Variants in PARVB observed in about 807,000 individuals in gnomAD.
The protein encoded by PARVB is beta-parvin.
Under a neutral mutation model 47.0 loss-of-function variants are expected in PARVB, and 46 were observed. The ratio of observed to expected loss-of-function variants is 0.98; its 90% CI spans 0.77 to 1.25. PARVB has a LOEUF of 1.25. Among genes scored for constraint, PARVB ranks in the 50% most tolerant of loss-of-function variants. PARVB has a pLI of 0.00. For synonymous variants in PARVB, 196 were observed against 196.3 expected (o/e 1.00, Z 0.01); for missense variants, 473 against 471.6 (o/e 1.00, Z -0.03).
chr22:44,135,465 G>C (rs2053423665), intron 6 of PARVB, among the ~76,000 whole-genome samples: 1 of 152,138 alleles, frequency 6.6e-6, no homozygotes, highest in African/African-American at 2.4e-5. Context: ...CACCATGTTG[G>C]CCAGAATGGT....
intron 1 of PARVB, chr22:44,031,628 A>G (rs2146894326): frequency 6.6e-6 from 1 of 151,594 alleles, no homozygotes; most frequent in Admixed American, 6.6e-5. Flanking sequence ...GCAGAGTCAG[A>G]TCACCTTGGC....
At chr22:43,999,427 A>G in intron 1 of PARVB, 1 of 1,604,124 alleles carries the variant, frequency 6.2e-7, no homozygotes, top group Non-Finnish European at 8.5e-7. Flanking sequence ...CTGTGATTTA[A>G]ACAAAACGAA....
chr22:44,094,805 G>A lies in PARVB; in HGVS notation c.202+788G>A, dbSNP rs960634851. Among the ~76,000 whole-genome samples the A allele has an allele frequency of 1.8e-4, 28 of 151,766 alleles. 1 individual carries two copies. Among genetic ancestry groups the A allele is most frequent in the Admixed American group, 1.8e-3 (28 of 15,220 alleles). On this transcript the variant is annotated intron_variant, in intron 2 of 12. Coordinates refer to ENST00000338758, the MANE Select transcript of PARVB (RefSeq NM_013327.5). ...TGCGCCTGGCCCCAACACCCTTACT[G>A]TGGCTTTCTCTGAAGGAATGGGCAA...
intron 2 of PARVB, among the ~76,000 whole-genome samples, chr22:44,000,831 C>T (rs1434317727): frequency 6.6e-6 from 1 of 152,236 alleles, no homozygotes; most frequent in Non-Finnish European, 1.5e-5. Flanking sequence ...CTACCTGGCA[C>T]TGTGATTGGA....
intron 4 of PARVB, among the ~76,000 whole-genome samples, chr22:44,126,902 C>T (rs1260680964): frequency 6.6e-6 from 1 of 152,202 alleles, no homozygotes; most frequent in African/African-American, 2.4e-5. Context: ...GAATTTGCAT[C>T]TGCATCTCAG....
At chr22:44,048,665 G>A (rs753180422) in intron 1 of PARVB, among the ~76,000 whole-genome samples, 3 of 152,144 alleles carry the variant, frequency 2.0e-5, no homozygotes, top group Non-Finnish European at 4.4e-5. Context: ...GGCTTCAAGC[G>A]ATTCTCCTGC....
chr22:44,046,967 G>C (rs892897915), intron 1 of PARVB, among the ~76,000 whole-genome samples: 1 of 152,162 alleles, frequency 6.6e-6, no homozygotes, highest in East Asian at 1.9e-4. Flanking sequence ...CGGTGTGCGG[G>C]GGGTGGGGAT....
At chr22:44,063,729 G>A (rs60403777) in intron 1 of PARVB, among the ~76,000 whole-genome samples, 19,325 of 152,042 alleles carry the variant, frequency 0.13, 1,553 homozygotes, top group Middle Eastern at 0.22. Flanking sequence ...GGTGCTGGGG[G>A]TCCACACTCA....
At position 44,170,598 on chromosome 22, in the gene PARVB, G is replaced by C. The variant is rs1219745496; in HGVS notation, c.*1920G>C. On this transcript the variant is annotated 3_prime_UTR_variant, in exon 13 of 13. Transcript: ENST00000338758. ...GTTGTTCACCCCCTCGCTCACCCCAGCTCTGCAGAGAACTGGGGATCCCAT... is the reference window on the plus strand; with the variant it reads ...GTTGTTCACCCCCTCGCTCACCCCACCTCTGCAGAGAACTGGGGATCCCAT... 1 of 152,186 alleles carries C rather than the reference G, an allele frequency of 6.6e-6. No individual in the cohort carries two copies. The highest frequency in any genetic ancestry group is 1.5e-5 in the Non-Finnish European group (1 of 68,054). The allele number at this position is 152,186 out of a possible 1,614,324, so 9.4% of individuals were successfully genotyped here. A position where few individuals can be genotyped will look rare whatever the true frequency, so the allele number is the denominator to read the frequency against.
chr22:44,086,931 G>A, intron 1 of PARVB: 1 of 651,198 alleles, frequency 1.5e-6, no homozygotes, highest in South Asian at 6.9e-5. Flanking sequence ...CCAAGCGAAG[G>A]ATCCCGATGC....
At chr22:44,020,102 A>G (rs958286825), upstream of PARVB, among the ~76,000 whole-genome samples, 7 of 151,824 alleles carry the variant, frequency 4.6e-5, 1 homozygote. Context: ...GTCCAGTTCA[A>G]TTCCAGCATG....
At chr22:44,163,667 G>A (rs1002860894) in intron 11 of PARVB, among the ~76,000 whole-genome samples, 191 bp from the exon 12 acceptor site, 9 of 152,206 alleles carry the variant, frequency 5.9e-5, no homozygotes, top group Admixed American at 6.5e-5. Context: ...CCTAGTAAGC[G>A]CACATGGCCC....
chr22:44,095,050 G>T (rs1331939872), intron 2 of PARVB, among the ~76,000 whole-genome samples: 1 of 146,034 alleles, frequency 6.8e-6, no homozygotes, highest in African/African-American at 2.5e-5. Flanking sequence ...AGAGCCCAAG[G>T]AAAGAGGTGG....
intron 12 of PARVB, among the ~76,000 whole-genome samples, chr22:44,167,651 C>T (rs1451953699): frequency 6.6e-6 from 1 of 151,978 alleles, no homozygotes; most frequent in African/African-American, 2.4e-5. Flanking sequence ...CTGGGGTGGA[C>T]TCTTCAGGTC....
At chr22:44,059,428 C>G (rs1000760508) in intron 1 of PARVB, among the ~76,000 whole-genome samples, 1 of 152,172 alleles carries the variant, frequency 6.6e-6, no homozygotes, top group Non-Finnish European at 1.5e-5. Context: ...AATAAAACAC[C>G]GTGAGGCTTG....
chr22:44,098,023 C>T (rs2052350048), intron 2 of PARVB, among the ~76,000 whole-genome samples: 1 of 152,200 alleles, frequency 6.6e-6, no homozygotes, highest in African/African-American at 2.4e-5. Flanking sequence ...CAGGAGGGAG[C>T]AGCGAGTTCC....
At chr22:44,134,556 A>G (rs1370457872) in intron 6 of PARVB, among the ~76,000 whole-genome samples, 1 of 152,186 alleles carries the variant, frequency 6.6e-6, no homozygotes, top group East Asian at 1.9e-4. Flanking sequence ...AACGGGTTAG[A>G]GGAGTGTTGT....
chr22:44,080,557 C>T (rs1031430281), intron 1 of PARVB, among the ~76,000 whole-genome samples: 1 of 152,158 alleles, frequency 6.6e-6, no homozygotes, highest in Non-Finnish European at 1.5e-5. Flanking sequence ...CCTGCATAAT[C>T]CAGGCTAATC....
At chr22:44,075,469 G>A (rs986358379) in intron 1 of PARVB, among the ~76,000 whole-genome samples, 2 of 152,178 alleles carry the variant, frequency 1.3e-5, no homozygotes, top group African/African-American at 4.8e-5. Flanking sequence ...GACCCACATG[G>A]CCATATCAGG....
Sources: allele counts gnomAD v4.1 joint callset (sites outside exome capture counted in the v4.1 genomes callset), GRCh38; gene constraint gnomAD v4.1.1; transcripts MANE v1.5; gene names NCBI Gene and HGNC (gene_info 2026-07-23, HGNC 2026-07-21).